The following FANK1 variants were observed in gnomAD, a reference collection of about 807,000 sequenced individuals.
The protein encoded by FANK1 is fibronectin type III and ankyrin repeat domains 1.
FANK1 carries 44 observed loss-of-function variants against 45.3 expected under a neutral mutation model. That is an observed-to-expected ratio of 0.97 (90% CI 0.76 to 1.25). The LOEUF is 1.25. Ranked by LOEUF, FANK1 falls within the 50% of genes most tolerant of loss-of-function variation. The pLI is 0.00. For missense variants in FANK1, 391 were observed against 424.4 expected, an observed-to-expected ratio of 0.92 and a Z score of 0.69; for synonymous variants, 149 against 152.5, an observed-to-expected ratio of 0.98 and a Z score of 0.17.
chr10:125,902,877 C>T (rs1945162855), intron 1 of FANK1, among the ~76,000 whole-genome samples: 1 of 152,288 alleles, frequency 6.6e-6, no homozygotes, highest in Admixed American at 6.5e-5. Context: ...AGTCTTAGCC[C>T]CGAAGAATAT....
intron 6 of FANK1, among the ~76,000 whole-genome samples, chr10:126,001,718 C>G (rs995190625): frequency 2.6e-5 from 4 of 152,108 alleles, no homozygotes; most frequent in African/African-American, 9.7e-5. Flanking sequence ...CTTGGAGGAC[C>G]TTGGTGGCTT....
chr10:125,907,496 A>G (rs946102619), intron 1 of FANK1: 124 of 985,224 alleles, frequency 1.3e-4, no homozygotes, highest in Admixed American at 8.0e-4. Context: ...GATGAAATCG[A>G]GTGAACGTGA....
In FANK1 at chr10:125,972,171, G is replaced by A. The variant is rs576605029; in HGVS notation, c.14-7990G>A. Reference sequence around the variant, plus strand: ...GGTGAAAGTTAAATGAATAAATAAAGCATCCACACTAGTACATGACCCAAA... The same window carrying A: ...GGTGAAAGTTAAATGAATAAATAAAACATCCACACTAGTACATGACCCAAA... On this transcript the variant is annotated intron_variant, in intron 1 of 10. Coordinates refer to ENST00000368693, the MANE Select transcript of FANK1 (RefSeq NM_145235.5). The A allele has an allele frequency of 3.3e-5, 5 of 152,272 alleles. No homozygotes were observed. In the South Asian group the frequency reaches 8.3e-4, roughly 25 times the overall value. 9.4% of individuals were successfully genotyped at this position (152,272 alleles called of 1,614,324 possible).
At chr10:125,954,837 C>T (rs1949476619) in intron 1 of FANK1, among the ~76,000 whole-genome samples, 1 of 152,048 alleles carries the variant, frequency 6.6e-6, no homozygotes, top group African/African-American at 2.4e-5. Context: ...GGGAGAATCA[C>T]TTGAGCATAG....
At chr10:125,942,593 CAAG>C (rs1173987802) in intron 1 of FANK1, among the ~76,000 whole-genome samples, 3 of 151,948 alleles carry the variant, frequency 2.0e-5, no homozygotes, top group Non-Finnish European at 4.4e-5. Context: ...TAACTAAAAA[CAAG>C]AAAATAAATT....
Position 126,004,990 on chromosome 10 carries a change from T to C in FANK1, c.646T>C (p.Trp216Arg). 1.2e-6 allele frequency: 2 copies of C among 1,614,178 alleles called. No individual in the cohort carries two copies. Among genetic ancestry groups the C allele is most frequent in the South Asian group, 2.2e-5 (2 of 91,078 alleles). The change falls in exon 7 of 11, where the codon TGG becomes CGG. Residue 216 changes from tryptophan to arginine, a missense_variant. Coordinates refer to ENST00000368693, the MANE Select transcript of FANK1 (RefSeq NM_145235.5). ...RDLGGCTALH[W>R]AADGGHCSVI... ...CCTGGGAGGCTGTACAGCTCTGCAC[T>C]GGGCTGCAGATGGAGGCCACTGCAG...
intron 1 of FANK1, among the ~76,000 whole-genome samples, chr10:125,945,822 C>T (rs1948754069): frequency 6.6e-6 from 1 of 152,224 alleles, no homozygotes; most frequent in Non-Finnish European, 1.5e-5. Flanking sequence ...AAAAAGACAG[C>T]AGTAACCTCT....
At chr10:125,897,089 T>C (rs1409416224) in intron 1 of FANK1, among the ~76,000 whole-genome samples, 1 of 152,164 alleles carries the variant, frequency 6.6e-6, no homozygotes. Flanking sequence ...CTGGGTCTTG[T>C]ATTTATTAGA....
intron 1 of FANK1, among the ~76,000 whole-genome samples, chr10:125,918,556 CAAAAAAAAAAAAAAAAAA>C (rs1156446362): frequency 1.4e-4 from 1 of 7,104 alleles, no homozygotes; most frequent in African/African-American, 3.6e-4. Flanking sequence ...GCCTCTGTCT[CAAAAAAAAAAAAAAAAAA>C]AAAAAAAAAA....
At chr10:125,915,019 T>C (rs1946337007) in intron 1 of FANK1, among the ~76,000 whole-genome samples, 1 of 152,170 alleles carries the variant, frequency 6.6e-6, no homozygotes, top group Non-Finnish European at 1.5e-5. Flanking sequence ...CTCCTATTCC[T>C]TGAGGCTGGT....
At chr10:125,960,226 CAG>C in intron 1 of FANK1, 2 of 289,064 alleles carry the variant, frequency 6.9e-6, no homozygotes, top group Middle Eastern at 1.3e-3. Flanking sequence ...ATCTGGACTC[CAG>C]GAGGGGGGTT....
At chr10:125,928,288 T>A (rs1389165576) in intron 1 of FANK1, among the ~76,000 whole-genome samples, 1 of 138,042 alleles carries the variant, frequency 7.2e-6, no homozygotes, top group Non-Finnish European at 1.5e-5. Context: ...TTAAAGACCA[T>A]GTAGGGTAAA....
rs982268565 is a variant in FANK1, at chr10:125,996,447, A to G, written c.399-103A>G. 8 of 990,950 alleles carry G rather than the reference A, an allele frequency of 8.1e-6. No homozygotes were observed. In the South Asian group the frequency reaches 1.3e-4, roughly 16 times the overall value. 61.4% of individuals were successfully genotyped at this position (990,950 alleles called of 1,614,324 possible). A position where few individuals can be genotyped will look rare whatever the true frequency, so the allele number is the denominator to read the frequency against. On this transcript the variant is annotated intron_variant, in intron 4 of 10. Coordinates refer to ENST00000368693, the MANE Select transcript of FANK1 (RefSeq NM_145235.5). ...CCACAAAGAAATTGGAATTTTCAGT[A>G]AAATGAGTCATTTTACCCACCTAAG...
intron 1 of FANK1, among the ~76,000 whole-genome samples, chr10:125,909,212 T>C (rs1945788457): frequency 1.3e-5 from 2 of 152,200 alleles, no homozygotes; most frequent in South Asian, 4.1e-4. Flanking sequence ...CCTAGGAAAT[T>C]TGAACTATCT....
rs950492283 is a variant in FANK1 at position 125,946,191 on chromosome 10, C to A, written c.14-33970C>A. On this transcript the variant is annotated intron_variant, in intron 1 of 10. Transcript: ENST00000368693. ...AACAGAAAAACTGGAAACTCTAAAA[C>A]GCAGAGCACCTCTCCTCCTCCAAAG... Among the ~76,000 whole-genome samples, 118 of 151,924 alleles carry A rather than the reference C, an allele frequency of 7.8e-4. 1 individual carries two copies. Among genetic ancestry groups the A allele is most frequent in the South Asian group, 7.7e-3 (37 of 4,788 alleles).
At chr10:125,989,917 A>G (rs890430076) in intron 3 of FANK1, among the ~76,000 whole-genome samples, 3 of 152,160 alleles carry the variant, frequency 2.0e-5, no homozygotes, top group African/African-American at 7.2e-5. Flanking sequence ...ATGCCGTCCC[A>G]GGCTACCTTT....
rs538398355 is a variant in FANK1, at chr10:125,904,315, A to G, written c.13+7660A>G. On this transcript the variant is annotated intron_variant, in intron 1 of 10. Coordinates refer to ENST00000368693, the MANE Select transcript of FANK1 (RefSeq NM_145235.5). ...AAACATAAGAAGTATGTATACCCCT[A>G]TATTTATGAAATAAATAGAATCCAT... Among the ~76,000 whole-genome samples, 479 of 152,384 alleles carry G rather than the reference A, an allele frequency of 3.1e-3. 2 individuals carry two copies. Among genetic ancestry groups the G allele is most frequent in the Admixed American group, 0.026 (399 of 15,290 alleles).
At chr10:125,977,947 C>T (rs1450676586) in intron 1 of FANK1, among the ~76,000 whole-genome samples, 4 of 152,152 alleles carry the variant, frequency 2.6e-5, no homozygotes, top group Admixed American at 6.5e-5. Context: ...TTCAGTTGCC[C>T]CTGGAGGCTC....
At chr10:125,993,237 G>C (rs1179414017) in intron 3 of FANK1, among the ~76,000 whole-genome samples, 2 of 152,160 alleles carry the variant, frequency 1.3e-5, no homozygotes, top group Non-Finnish European at 2.9e-5. Flanking sequence ...CAAATGACTT[G>C]TTTTTATGTT....
Sources: allele counts gnomAD v4.1 joint callset (sites outside exome capture counted in the v4.1 genomes callset), GRCh38; gene constraint gnomAD v4.1.1; transcripts MANE v1.5; gene names NCBI Gene and HGNC (gene_info 2026-07-23, HGNC 2026-07-21).